The following PCDH15 variants were observed in gnomAD, a reference collection of about 807,000 sequenced individuals.
The protein encoded by PCDH15 is protocadherin-15.
PCDH15 carries 129 observed loss-of-function variants against 178.5 expected under a neutral mutation model. The observed-to-expected ratio is 0.72, with a 90% CI of 0.63 to 0.84. PCDH15 has a LOEUF of 0.84. Ranked by LOEUF, PCDH15 falls within the 40% of genes least tolerant of loss-of-function variation. PCDH15 has a pLI of 0.00. For synonymous variants in PCDH15, 800 were observed against 732.0 expected (o/e 1.09, Z -1.50); for missense variants, 2,230 against 2,099.9 (o/e 1.06, Z -1.21).
At chr10:55,303,154 C>A (rs1236613729) in intron 1 of PCDH15, among the ~76,000 whole-genome samples, 1 of 151,958 alleles carries the variant, frequency 6.6e-6, no homozygotes, top group Non-Finnish European at 1.5e-5. Flanking sequence ...ATATTCATGA[C>A]AGTTATAGTC....
intron 2 of PCDH15, among the ~76,000 whole-genome samples, chr10:55,534,823 T>A (rs1841534281): frequency 6.6e-6 from 1 of 152,090 alleles, no homozygotes; most frequent in African/African-American, 2.4e-5. Context: ...GAGGTGTCCA[T>A]CAACAATGGA....
At chr10:55,461,775 G>A (rs1195818931) in intron 2 of PCDH15, among the ~76,000 whole-genome samples, 1 of 151,950 alleles carries the variant, frequency 6.6e-6, no homozygotes, top group Non-Finnish European at 1.5e-5. Context: ...ATGGCTTCTA[G>A]GACTTATTTT....
chr10:55,007,453 C>T (rs55674329), intron 2 of PCDH15, among the ~76,000 whole-genome samples: 18 of 133,988 alleles, frequency 1.3e-4, no homozygotes, highest in Non-Finnish European at 2.3e-4. Flanking sequence ...TAATGTAATA[C>T]GCAGTTCCCA....
intron 2 of PCDH15, among the ~76,000 whole-genome samples, chr10:55,095,608 A>G (rs1842431487): frequency 6.6e-6 from 1 of 152,094 alleles, no homozygotes; most frequent in Non-Finnish European, 1.5e-5. Flanking sequence ...TAACTATTTT[A>G]CAATTTCCCA....
In PCDH15 at chr10:54,535,753, G is replaced by A. The variant is rs572646734; in HGVS notation, c.92-7876C>T. Among the ~76,000 whole-genome samples, 207 of 151,142 alleles carry A rather than the reference G, an allele frequency of 1.4e-3. 1 individual carries two copies. The highest frequency in any genetic ancestry group is 4.7e-3 in the African/African-American group (195 of 41,268). On this transcript the variant is annotated intron_variant, in intron 2 of 37. Transcript: ENST00000644397. Reference sequence around the variant, plus strand: ...AAAAAAAGAAGTTTAAGGTTCTAGGGGCTTTAGGAAAAAGGCAGAATATGA... The same window carrying A: ...AAAAAAAGAAGTTTAAGGTTCTAGGAGCTTTAGGAAAAAGGCAGAATATGA...
chr10:55,468,148 A>T (rs374225312), intron 2 of PCDH15, among the ~76,000 whole-genome samples: 1 of 152,108 alleles, frequency 6.6e-6, no homozygotes, highest in Admixed American at 6.6e-5. Context: ...GGGAAAAGTT[A>T]GTGACAGAAA....
At chr10:54,312,098 G>A (rs2060947139) in intron 8 of PCDH15, among the ~76,000 whole-genome samples, 1 of 152,058 alleles carries the variant, frequency 6.6e-6, no homozygotes, top group Non-Finnish European at 1.5e-5. Context: ...GAGTCAACAT[G>A]TTCTGTTTAG....
At chr10:54,166,509 G>A (rs1239536218) in intron 13 of PCDH15, among the ~76,000 whole-genome samples, 1 of 152,154 alleles carries the variant, frequency 6.6e-6, no homozygotes, top group Non-Finnish European at 1.5e-5. Flanking sequence ...TTGTTTGTTT[G>A]TTTGTTTCCT....
chr10:54,783,866 A>C (rs1181178185), intron 1 of PCDH15, among the ~76,000 whole-genome samples: 1 of 152,136 alleles, frequency 6.6e-6, no homozygotes, highest in Non-Finnish European at 1.5e-5. Context: ...ATCTGTTTTC[A>C]TAATGCTATA....
intron 20 of PCDH15, among the ~76,000 whole-genome samples, chr10:54,011,554 C>T (rs1042841668): frequency 5.9e-5 from 9 of 152,190 alleles, no homozygotes; most frequent in Admixed American, 1.3e-4. Context: ...AAGGAGCCGA[C>T]ACTTTCAGAT....
intron 2 of PCDH15, among the ~76,000 whole-genome samples, chr10:54,572,857 T>G (rs1211417962): frequency 6.6e-6 from 1 of 152,098 alleles, no homozygotes; most frequent in African/African-American, 2.4e-5. Context: ...CTATTGTAAT[T>G]TATGTGTTTC....
At chr10:54,471,040 T>A (rs1354956499) in intron 3 of PCDH15, among the ~76,000 whole-genome samples, 2 of 152,150 alleles carry the variant, frequency 1.3e-5, no homozygotes, top group African/African-American at 4.8e-5. Flanking sequence ...TTAACTAATA[T>A]CCTTCCCTTA....
At chr10:54,834,636 G>C (rs74136301) in intron 3 of PCDH15, among the ~76,000 whole-genome samples, 149 of 152,124 alleles carry the variant, frequency 9.8e-4, no homozygotes, top group Middle Eastern at 3.4e-3. Context: ...CTCTCTATTA[G>C]AATATTTAGG....
At chr10:55,343,183 A>T (rs988762964) in intron 2 of PCDH15, among the ~76,000 whole-genome samples, 2 of 152,176 alleles carry the variant, frequency 1.3e-5, no homozygotes, top group African/African-American at 4.8e-5. Flanking sequence ...CCAGCTTGAA[A>T]GGAGAAATTC....
intron 3 of PCDH15, among the ~76,000 whole-genome samples, chr10:54,518,383 C>T (rs1030208743): frequency 6.6e-6 from 1 of 151,840 alleles, no homozygotes; most frequent in Non-Finnish European, 1.5e-5. Flanking sequence ...GGGGATATCA[C>T]CACCGATCCC....
At chr10:55,406,366 T>C (rs572792086) in intron 2 of PCDH15, among the ~76,000 whole-genome samples, 7 of 152,096 alleles carry the variant, frequency 4.6e-5, no homozygotes, top group Admixed American at 1.3e-4. Context: ...ACTGAAATAT[T>C]TCAAGTGACA....
chr10:55,305,868 A>G (rs192774453), intron 1 of PCDH15, among the ~76,000 whole-genome samples: 1 of 152,330 alleles, frequency 6.6e-6, no homozygotes, highest in African/African-American at 2.4e-5. Flanking sequence ...TACCATGCCT[A>G]CCTTCCTCCT....
At chr10:54,622,689 TAATA>T (rs1175349429) in intron 2 of PCDH15, among the ~76,000 whole-genome samples, 2 of 78,312 alleles carry the variant, frequency 2.6e-5, no homozygotes, top group Admixed American at 4.1e-4. Flanking sequence ...ATATATTATA[TAATA>T]TATATTTTCT....
At position 54,012,280 on chromosome 10, in the gene PCDH15, C is replaced by A. The variant is rs138411896; in HGVS notation, c.2751+7912G>T. ...AAAAGAATGGACAAAACCCCTGAAA[C>A]ATATGGGATTATGTGAAGAGACCAG... On this transcript the variant is annotated intron_variant, in intron 20 of 37. Transcript: ENST00000644397. Among the ~76,000 whole-genome samples the A allele has an allele frequency of 5.9e-3, 894 of 151,794 alleles. 4 individuals carry two copies. The highest frequency in any genetic ancestry group is 0.02 in the African/African-American group (827 of 41,358).
Sources: allele counts gnomAD v4.1 joint callset (sites outside exome capture counted in the v4.1 genomes callset), GRCh38; gene constraint gnomAD v4.1.1; transcripts MANE v1.5; gene names NCBI Gene and HGNC (gene_info 2026-07-23, HGNC 2026-07-21).